Variants in XPNPEP1 observed in about 807,000 individuals in gnomAD.
XPNPEP1 encodes xaa-Pro aminopeptidase 1.
In XPNPEP1, 39 loss-of-function variants were observed where a neutral mutation model predicts 92.4. The ratio of observed to expected loss-of-function variants is 0.42; its 90% CI spans 0.33 to 0.55. The LOEUF is 0.55. XPNPEP1 is among the 20% of genes least tolerant of loss of function. XPNPEP1 has a pLI of 0.08. For missense variants in XPNPEP1, 654 were observed against 856.1 expected, an observed-to-expected ratio of 0.76 and a Z score of 2.95; for synonymous variants, 307 against 299.4, an observed-to-expected ratio of 1.03 and a Z score of -0.26.
Position 109,875,610 on chromosome 10 carries a change from T to C in XPNPEP1, c.1320-11A>G. 1 of 1,612,658 alleles carries C rather than the reference T, an allele frequency of 6.2e-7. No individual in the cohort carries two copies. The highest frequency in any genetic ancestry group is 8.5e-7 in the Non-Finnish European group (1 of 1,178,926). On this transcript the variant is annotated splice_polypyrimidine_tract_variant and intron_variant, in intron 14 of 20. Transcript: ENST00000502935. ...GTCTCAGGGACTGGCCTAACAAAGT[T>C]AATTAAAAATTAATTATTCCACAAA...
At chr10:109,885,088 CA>C (rs1443007554) in intron 8 of XPNPEP1, among the ~76,000 whole-genome samples, 23 of 152,208 alleles carry the variant, frequency 1.5e-4, no homozygotes, top group African/African-American at 5.3e-4. Flanking sequence ...CCCTAAAAGC[CA>C]ACCAGAAATA....
At position 109,870,772 on chromosome 10, in the gene XPNPEP1, A is replaced by G; in HGVS notation, c.1655T>C (p.Phe552Ser). ...GCCTGCCTCCAAGGGCTCATCAGAG[A>G]ATGTTTTGTAACTGATGCCGCAAGG... ...EGPCGISYKTFSDEPLEAGMI... is the reference protein window; with the variant it reads ...EGPCGISYKTSSDEPLEAGMI... Residue 552 changes from phenylalanine (F) to serine (S), a missense_variant, in exon 18 of 21, where the codon TTC becomes TCC. By Grantham distance (155) the Phe-to-Ser change is radical (BLOSUM62 -2). Coordinates refer to ENST00000502935, the MANE Select transcript of XPNPEP1 (RefSeq NM_020383.4). The G allele has an allele frequency of 6.2e-7, 1 of 1,614,130 alleles. No individual in the cohort carries two copies. The highest frequency in any genetic ancestry group is 2.2e-5 in the East Asian group (1 of 44,882).
At chr10:109,903,129 A>G (rs1394710450) in intron 3 of XPNPEP1, among the ~76,000 whole-genome samples, 1 of 152,252 alleles carries the variant, frequency 6.6e-6, no homozygotes, top group Non-Finnish European at 1.5e-5. Flanking sequence ...GGTGTCTCCT[A>G]CTAGTAAACA....
At chr10:109,889,291 C>A (rs1156947418) in intron 5 of XPNPEP1, among the ~76,000 whole-genome samples, 1 of 152,226 alleles carries the variant, frequency 6.6e-6, no homozygotes, top group Non-Finnish European at 1.5e-5. Context: ...CAACCTCCAC[C>A]ACCTGGATTC....
At chr10:109,906,327 A>G (rs1223525579) in intron 3 of XPNPEP1, among the ~76,000 whole-genome samples, 2 of 152,250 alleles carry the variant, frequency 1.3e-5, no homozygotes, top group Non-Finnish European at 2.9e-5. Flanking sequence ...TCAATCTGGT[A>G]TCTTGAAAGT....
rs776958514 is a variant in XPNPEP1, at chr10:109,884,144, T to C, written c.753A>G (p.Leu251=). ...VVTALDEIAW[L]FNLRGSDVEH... ...CCACATCTGATCCTCGGAGATTAAA[T>C]AGCCCTAGAAAAGAAATCAAAATCC... The change falls in exon 9 of 21, where the codon CTA becomes CTG. Residue 251 remains leucine, a synonymous_variant. Transcript: ENST00000502935. 11 of 1,613,608 alleles carry C rather than the reference T, an allele frequency of 6.8e-6. No homozygotes were observed. The highest frequency in any genetic ancestry group is 5.0e-5 in the Admixed American group (3 of 59,920).
At chr10:109,879,196 C>T (rs1199524545) in intron 12 of XPNPEP1, among the ~76,000 whole-genome samples, 1 of 151,692 alleles carries the variant, frequency 6.6e-6, no homozygotes, top group African/African-American at 2.4e-5. Flanking sequence ...GAGCCGAGAT[C>T]GCTCCACTGC....
At chr10:109,886,830 C>T (rs1474679756) in intron 7 of XPNPEP1, among the ~76,000 whole-genome samples, 1 of 152,218 alleles carries the variant, frequency 6.6e-6, no homozygotes, top group Admixed American at 6.5e-5. Context: ...GGGAACAGCA[C>T]CCACCACTTG....
At chr10:109,875,412 G>T in intron 15 of XPNPEP1, 116 bp downstream of exon 15, 1 of 819,302 alleles carries the variant, frequency 1.2e-6, no homozygotes, top group Non-Finnish European at 2.0e-6. Context: ...GATTCCATTA[G>T]TGGCCAGCAC....
intron 5 of XPNPEP1, among the ~76,000 whole-genome samples, chr10:109,891,102 G>A (rs1310181967): frequency 6.6e-6 from 1 of 152,176 alleles, no homozygotes; most frequent in Non-Finnish European, 1.5e-5. Context: ...TGAAAACACA[G>A]AGTATATACA....
intron 12 of XPNPEP1, among the ~76,000 whole-genome samples, 163 bp downstream of exon 12, chr10:109,880,025 C>T (rs1174271821): frequency 6.6e-6 from 1 of 152,196 alleles, no homozygotes. Context: ...GAAATCTACA[C>T]ACACCAAATT....
At chr10:109,896,214 A>G (rs1010969904) in intron 3 of XPNPEP1, among the ~76,000 whole-genome samples, 3 of 152,094 alleles carry the variant, frequency 2.0e-5, no homozygotes, top group African/African-American at 7.2e-5. Flanking sequence ...ACCCAGCTAT[A>G]ATAGCCACCT....
At chr10:109,884,329 T>G in intron 8 of XPNPEP1, 181 bp from the exon 9 acceptor site, 1 of 592,778 alleles carries the variant, frequency 1.7e-6, no homozygotes, top group East Asian at 2.9e-5. Flanking sequence ...CAATTGCTCA[T>G]GTCCACCACG....
At chr10:109,873,038 A>G (rs1847574188) in intron 16 of XPNPEP1, among the ~76,000 whole-genome samples, 1 of 152,212 alleles carries the variant, frequency 6.6e-6, no homozygotes, top group South Asian at 2.1e-4. Flanking sequence ...AATCAAATCT[A>G]GGCACTGCTT....
At chr10:109,913,180 A>G (rs149408914) in intron 2 of XPNPEP1, among the ~76,000 whole-genome samples, 108 of 152,382 alleles carry the variant, frequency 7.1e-4, no homozygotes, top group African/African-American at 2.5e-3. Flanking sequence ...GCTTTTAGAA[A>G]TAAGTTCCCA....
intron 3 of XPNPEP1, among the ~76,000 whole-genome samples, chr10:109,898,117 C>G (rs559299573): frequency 2.0e-5 from 3 of 152,338 alleles, no homozygotes; most frequent in East Asian, 3.9e-4. Flanking sequence ...TCATCAGCCA[C>G]AGAATAGACA....
intron 3 of XPNPEP1, among the ~76,000 whole-genome samples, chr10:109,903,369 G>A (rs1042848886): frequency 2.6e-5 from 4 of 152,134 alleles, no homozygotes; most frequent in Admixed American, 1.3e-4. Flanking sequence ...GAACCCTTTC[G>A]GAGGAGGGCC....
chr10:109,889,300 TC>T (rs1222626964), intron 5 of XPNPEP1, among the ~76,000 whole-genome samples: 2 of 152,230 alleles, frequency 1.3e-5, no homozygotes, highest in Admixed American at 1.3e-4. Flanking sequence ...CCACCTGGAT[TC>T]AAGCAATTCT....
intron 2 of XPNPEP1, 93 bp downstream of exon 2, chr10:109,914,918 C>A: frequency 1.4e-6 from 1 of 693,064 alleles, no homozygotes; most frequent in South Asian, 2.9e-5. Context: ...GTTACTAATT[C>A]CTTACCCTCT....
Sources: allele counts gnomAD v4.1 joint callset (sites outside exome capture counted in the v4.1 genomes callset), GRCh38; gene constraint gnomAD v4.1.1; transcripts MANE v1.5; gene names NCBI Gene and HGNC (gene_info 2026-07-23, HGNC 2026-07-21).